Variants in NELL2 observed in about 807,000 individuals in gnomAD.
The protein encoded by NELL2 is protein kinase C-binding protein NELL2.
A neutral mutation model predicts 109.6 loss-of-function variants in NELL2; 41 were observed. The ratio of observed to expected loss-of-function variants is 0.37; its 90% CI spans 0.29 to 0.49. NELL2 has a LOEUF of 0.49. NELL2 is among the 20% of genes least tolerant of loss of function. NELL2 has a pLI of 0.98. For synonymous variants in NELL2, 355 were observed against 344.7 expected (o/e 1.03, Z -0.33); for missense variants, 900 against 1,008.3 (o/e 0.89, Z 1.45).
At chr12:44,545,347 A>C (rs868043115) in intron 15 of NELL2, among the ~76,000 whole-genome samples, 1 of 152,096 alleles carries the variant, frequency 6.6e-6, no homozygotes, top group African/African-American at 2.4e-5. Flanking sequence ...AGTTCAGAGG[A>C]GGAAATCCTT....
chr12:44,631,194 T>A (rs1227198744), intron 13 of NELL2, among the ~76,000 whole-genome samples: 2 of 149,940 alleles, frequency 1.3e-5, no homozygotes, highest in Non-Finnish European at 3.0e-5. Flanking sequence ...CTCTAACATA[T>A]AAAGGTGAGG....
chr12:44,650,147 T>C (rs1176195045), intron 13 of NELL2, among the ~76,000 whole-genome samples: 1 of 152,168 alleles, frequency 6.6e-6, no homozygotes, highest in African/African-American at 2.4e-5. Context: ...TGTATTCCCT[T>C]GGATAATTAC....
chr12:44,563,472 G>C (rs192330178), intron 15 of NELL2, among the ~76,000 whole-genome samples: 65 of 152,144 alleles, frequency 4.3e-4, no homozygotes, highest in Admixed American at 7.2e-4. Context: ...ATGCACACAA[G>C]TATACTAATA....
chr12:44,883,322 C>T (rs1945436791), intron 1 of NELL2, among the ~76,000 whole-genome samples: 1 of 152,004 alleles, frequency 6.6e-6, no homozygotes, highest in Non-Finnish European at 1.5e-5. Context: ...TCATTGCCCC[C>T]TCCTTCAATC....
At chr12:44,876,592 G>C (rs777547894), upstream of NELL2, 2 of 1,537,090 alleles carry the variant, frequency 1.3e-6, no homozygotes, top group African/African-American at 1.4e-5. Flanking sequence ...GTTGATGGGC[G>C]GTCTTTGCTC....
At chr12:44,512,326 T>C (rs1941035291) in intron 19 of NELL2, among the ~76,000 whole-genome samples, 1 of 151,994 alleles carries the variant, frequency 6.6e-6, no homozygotes, top group South Asian at 2.1e-4. Flanking sequence ...AGGAACAAAT[T>C]ACAAATGCTG....
chr12:44,742,139 A>G (rs1940012313), intron 9 of NELL2, among the ~76,000 whole-genome samples: 2 of 152,086 alleles, frequency 1.3e-5, no homozygotes, highest in African/African-American at 4.8e-5. Context: ...AGGCAGCAGC[A>G]TTTGCGGTTC....
At chr12:44,822,348 G>A (rs1943573294) in intron 2 of NELL2, among the ~76,000 whole-genome samples, 1 of 152,130 alleles carries the variant, frequency 6.6e-6, no homozygotes, top group Non-Finnish European at 1.5e-5. Flanking sequence ...GATTTTCTGA[G>A]CTTACTTTCA....
chr12:44,721,992 G>A (rs184512820), intron 9 of NELL2, among the ~76,000 whole-genome samples: 145 of 151,884 alleles, frequency 9.5e-4, no homozygotes, highest in African/African-American at 2.7e-3. Flanking sequence ...TAAGACAAGC[G>A]GAAGGAATGG....
chr12:44,868,170 A>G (rs1480122729), intron 2 of NELL2, among the ~76,000 whole-genome samples: 1 of 151,920 alleles, frequency 6.6e-6, no homozygotes, highest in East Asian at 1.9e-4. Context: ...GAAATCATGA[A>G]AACAATCTCA....
intron 12 of NELL2, among the ~76,000 whole-genome samples, chr12:44,700,347 T>G (rs974238509): frequency 1.3e-5 from 2 of 152,164 alleles, no homozygotes; most frequent in Non-Finnish European, 2.9e-5. Flanking sequence ...AAAACACAAG[T>G]GTGATCACGA....
In NELL2 at chr12:44,876,144, G is replaced by T. The variant is rs1461509756; in HGVS notation, c.-275C>A. ...GGAGGGGGCCCGGAGGGAGGGGTCG[G>T]ACTCGCCCCGGCGCGGCTCCGTCGG... On this transcript the variant is annotated 5_prime_UTR_variant, in exon 1 of 20. Coordinates refer to ENST00000429094, the MANE Select transcript of NELL2 (RefSeq NM_001145108.2). The T allele has an allele frequency of 4.2e-5, 54 of 1,277,958 alleles. No individual in the cohort carries two copies. The highest frequency in any genetic ancestry group is 1.7e-5 in the Non-Finnish European group (17 of 1,010,624). The allele number at this position is 1,277,958 out of a possible 1,614,324, so 79.2% of individuals were successfully genotyped here.
intron 3 of NELL2, among the ~76,000 whole-genome samples, chr12:44,814,132 C>G (rs184045304): frequency 2.0e-5 from 3 of 152,224 alleles, no homozygotes; most frequent in Admixed American, 2.0e-4. Context: ...GAAATGCTGC[C>G]TGACAAGCCT....
intron 15 of NELL2, among the ~76,000 whole-genome samples, chr12:44,592,186 A>G (rs1944778026): frequency 6.6e-6 from 1 of 152,202 alleles, no homozygotes; most frequent in Non-Finnish European, 1.5e-5. Context: ...TTTTAAAATG[A>G]TCAGAAAAAA....
In NELL2 at chr12:44,519,896, C is replaced by T. The variant is rs1403440366; in HGVS notation, c.2400+109G>A. ...CGCCCACCTATGTTTGAAAAATAAA[C>T]AGGAAAAAAAAAAAAAACCTTCCTA... On this transcript the variant is annotated intron_variant, in intron 19 of 19. Coordinates refer to ENST00000429094, the MANE Select transcript of NELL2 (RefSeq NM_001145108.2). 15 of 932,794 alleles carry T rather than the reference C, an allele frequency of 1.6e-5. No homozygotes were observed. In the South Asian group the frequency reaches 2.1e-4, roughly 13 times the overall value. The allele number at this position is 932,794 out of a possible 1,614,324, so 57.8% of individuals were successfully genotyped here. A position where few individuals can be genotyped will look rare whatever the true frequency, so the allele number is the denominator to read the frequency against.
At chr12:44,637,305 C>A (rs1321885587) in intron 13 of NELL2, among the ~76,000 whole-genome samples, 2 of 151,110 alleles carry the variant, frequency 1.3e-5, no homozygotes, top group African/African-American at 2.4e-5. Context: ...AATTTGTTTG[C>A]TCTTGAACCC....
chr12:44,747,801 C>T (rs369241386), intron 9 of NELL2, among the ~76,000 whole-genome samples: 8 of 152,258 alleles, frequency 5.3e-5, no homozygotes, highest in Admixed American at 3.9e-4. Flanking sequence ...TACCCTGCCT[C>T]TCCCTAAAAT....
At chr12:44,554,146 T>C (rs539458000) in intron 15 of NELL2, among the ~76,000 whole-genome samples, 12 of 152,320 alleles carry the variant, frequency 7.9e-5, no homozygotes, top group African/African-American at 2.6e-4. Context: ...TAAAATAATG[T>C]AGCCTTCTGA....
intron 2 of NELL2, among the ~76,000 whole-genome samples, chr12:44,817,596 C>T (rs905698572): frequency 6.6e-6 from 1 of 152,022 alleles, no homozygotes; most frequent in African/African-American, 2.4e-5. Flanking sequence ...AAAAGCATAC[C>T]AGACATAGGA....
Sources: allele counts gnomAD v4.1 joint callset (sites outside exome capture counted in the v4.1 genomes callset), GRCh38; gene constraint gnomAD v4.1.1; transcripts MANE v1.5; gene names NCBI Gene and HGNC (gene_info 2026-07-23, HGNC 2026-07-21).